The following GRIA4 variants were observed in gnomAD, a reference collection of about 807,000 sequenced individuals.
GRIA4 encodes glutamate ionotropic receptor AMPA type subunit 4, also known as glutamate receptor 4.
In GRIA4, 34 loss-of-function variants were observed where a neutral mutation model predicts 104.0. The observed-to-expected ratio is 0.33, with a 90% CI of 0.25 to 0.44. GRIA4 has a LOEUF of 0.44. Ranked by LOEUF, GRIA4 falls within the 20% of genes least tolerant of loss-of-function variation. The pLI is 1.00. For missense variants in GRIA4, 750 were observed against 1,096.5 expected (o/e 0.68, Z 4.46); for synonymous variants, 386 against 381.9 (o/e 1.01, Z -0.13).
intron 12 of GRIA4, 61 bp downstream of exon 12, chr11:105,924,830 ATTATCTCTCTACATGTTCTT>A: frequency 8.0e-7 from 1 of 1,251,658 alleles, no homozygotes; most frequent in Non-Finnish European, 1.1e-6. Context: ...TGTTGTGCAG[ATTATCTCTCTACATGTTCTT>A]TTCCTGAAGA....
chr11:105,949,238 T>C (rs527655588), intron 14 of GRIA4, among the ~76,000 whole-genome samples: 38 of 152,336 alleles, frequency 2.5e-4, no homozygotes, highest in African/African-American at 9.1e-4. Flanking sequence ...TAATAGACAG[T>C]TTTGAAGTGT....
chr11:105,911,574 G>A (rs928490884), intron 10 of GRIA4, among the ~76,000 whole-genome samples: 10 of 151,072 alleles, frequency 6.6e-5, no homozygotes, highest in African/African-American at 2.4e-4. Flanking sequence ...TGATATTAAG[G>A]TTAAAGCATG....
chr11:105,819,133 T>A (rs891140465), intron 4 of GRIA4, among the ~76,000 whole-genome samples: 1 of 152,134 alleles, frequency 6.6e-6, no homozygotes, highest in Non-Finnish European at 1.5e-5. Context: ...CATTTATGAT[T>A]TCAAGAACTA....
intron 14 of GRIA4, among the ~76,000 whole-genome samples, chr11:105,951,962 C>CA (rs1395402557): frequency 6.6e-6 from 1 of 151,778 alleles, no homozygotes; most frequent in East Asian, 1.9e-4. Flanking sequence ...GACCCTGTCT[C>CA]AAAAAATAAA....
intron 10 of GRIA4, among the ~76,000 whole-genome samples, chr11:105,915,214 C>A (rs1947364783): frequency 1.3e-5 from 2 of 152,136 alleles, no homozygotes; most frequent in African/African-American, 4.8e-5. Flanking sequence ...CATGTCATTT[C>A]TCTTATGCTG....
At chr11:105,878,882 C>T (rs1033761160) in intron 5 of GRIA4, among the ~76,000 whole-genome samples, 6 of 152,302 alleles carry the variant, frequency 3.9e-5, no homozygotes, top group Non-Finnish European at 5.9e-5. Flanking sequence ...CTTCAGCCCC[C>T]CTTTCCAGAG....
intron 5 of GRIA4, among the ~76,000 whole-genome samples, chr11:105,875,835 T>C (rs993898794): frequency 1.3e-5 from 2 of 152,046 alleles, no homozygotes; most frequent in African/African-American, 4.8e-5. Context: ...TAGTGGTCTA[T>C]CTATTTTGTT....
rs139566900 is a variant in GRIA4, at chr11:105,897,035, C to T, written c.727-1234C>T. ...TTTTAATGATATTTATTCTTCCTAT[C>T]CATGAGCATGGGATGTTTTTCCATT... On this transcript the variant is annotated intron_variant, in intron 6 of 16. Transcript: ENST00000282499. 2.5e-3 allele frequency among the ~76,000 whole-genome samples: 375 copies of T among 152,242 alleles called. 1 individual carries two copies. The highest frequency in any genetic ancestry group is 8.5e-3 in the African/African-American group (354 of 41,542).
chr11:105,760,736 CA>C (rs1412843269), intron 4 of GRIA4, among the ~76,000 whole-genome samples: 1 of 150,022 alleles, frequency 6.7e-6, no homozygotes, highest in African/African-American at 2.4e-5. Context: ...GTTTTTTTTT[CA>C]CTTCTCTTTC....
At chr11:105,720,076 G>A (rs1937685857) in intron 3 of GRIA4, among the ~76,000 whole-genome samples, 1 of 151,010 alleles carries the variant, frequency 6.6e-6, no homozygotes, top group South Asian at 2.1e-4. Context: ...CATTCAAGGG[G>A]TAAAAATGTG....
chr11:105,902,154 A>C (rs1173611505), intron 7 of GRIA4, among the ~76,000 whole-genome samples: 3 of 152,132 alleles, frequency 2.0e-5, no homozygotes, highest in Non-Finnish European at 4.4e-5. Flanking sequence ...GAAAGCTCTT[A>C]ATTTACATGG....
chr11:105,714,308 CA>C (rs1455153214), intron 3 of GRIA4, among the ~76,000 whole-genome samples: 2 of 151,642 alleles, frequency 1.3e-5, no homozygotes. Context: ...GTGCAATTTT[CA>C]TGTGAAAAAA....
chr11:105,677,755 T>A lies in GRIA4; in HGVS notation c.247+65321T>A, dbSNP rs542733155. Among the ~76,000 whole-genome samples, 6 of 152,066 alleles carry A rather than the reference T, an allele frequency of 3.9e-5. No homozygotes were observed. The East Asian group carries it at 1.2e-3, about 29-fold the overall frequency. ...AGTTGAATTGGGATCTAAATGAGGA[T>A]AAGCAACTAGCCATGCCAAGATCTT... On this transcript the variant is annotated intron_variant, in intron 3 of 16. Coordinates refer to ENST00000282499, the MANE Select transcript of GRIA4 (RefSeq NM_000829.4).
At chr11:105,930,439 T>C (rs1039352584) in intron 13 of GRIA4, among the ~76,000 whole-genome samples, 1 of 152,162 alleles carries the variant, frequency 6.6e-6, no homozygotes, top group African/African-American at 2.4e-5. Context: ...AGCTACTCTG[T>C]GGATTCCTCT....
intron 3 of GRIA4, among the ~76,000 whole-genome samples, chr11:105,728,754 T>C (rs1938388484): frequency 6.6e-6 from 1 of 152,172 alleles, no homozygotes; most frequent in Admixed American, 6.5e-5. Context: ...GAATCACTGC[T>C]GGATAAATAA....
At position 105,793,132 on chromosome 11, in the gene GRIA4, A is replaced by G. The variant is rs74718710; in HGVS notation, c.487+39912A>G. On this transcript the variant is annotated intron_variant, in intron 4 of 16. Coordinates refer to ENST00000282499, the MANE Select transcript of GRIA4 (RefSeq NM_000829.4). The stretch of plus-strand genomic sequence containing the variant: ...GTTCAAGAAACATTTATAGAGAACT[A>G]CCAAATGCTGAGCACTATGCTGACT... Among the ~76,000 whole-genome samples the G allele has an allele frequency of 5.3e-4, 80 of 152,310 alleles. No homozygotes were observed. In the East Asian group the frequency reaches 0.014, roughly 28 times the overall value.
intron 10 of GRIA4, chr11:105,912,086 AAAG>A: frequency 1.8e-6 from 2 of 1,119,310 alleles, no homozygotes; most frequent in Non-Finnish European, 2.2e-6. Context: ...TACTAGAACA[AAAG>A]AAGAATTAAT....
At chr11:105,648,704 C>A (rs1355049315) in intron 3 of GRIA4, among the ~76,000 whole-genome samples, 1 of 151,944 alleles carries the variant, frequency 6.6e-6, no homozygotes, top group East Asian at 1.9e-4. Context: ...TAATAAAAAC[C>A]AACAAATGAG....
In GRIA4 at chr11:105,979,646, C is replaced by T. The variant is rs764376184; in HGVS notation, c.2616C>T (p.Arg872=). 4.3e-6 allele frequency: 7 copies of T among 1,613,468 alleles called. No homozygotes were observed. Among genetic ancestry groups the T allele is most frequent in the South Asian group, 1.1e-5 (1 of 91,066 alleles). Residue 872 remains arginine, a synonymous_variant, in exon 17 of 17, where the codon CGC becomes CGT. Transcript: ENST00000282499. ...CTGGGAGTGTGGGAGAGAATGGCCG[C>T]GTCTTGACGCCTGACTGCCCAAAGG... The part of the protein sequence containing the change: ...SITGSVGENG[R]VLTPDCPKAV...
Sources: gnomAD v4.1 joint callset for allele counts (sites outside exome capture counted in the v4.1 genomes callset) on GRCh38, gnomAD v4.1.1 for gene constraint, MANE v1.5 for transcripts, NCBI Gene and HGNC (gene_info 2026-07-23, HGNC 2026-07-21) for gene names.